Variants in SFSWAP observed in about 807,000 individuals in gnomAD.
The protein encoded by SFSWAP is splicing factor, suppressor of white-apricot homolog.
SFSWAP carries 17 observed loss-of-function variants against 100.7 expected under a neutral mutation model. That is an observed-to-expected ratio of 0.17 (90% CI 0.12 to 0.25). SFSWAP has a LOEUF of 0.25. Ranked by LOEUF, SFSWAP falls within the 10% of genes least tolerant of loss-of-function variation. The pLI is 1.00. For missense variants in SFSWAP, 1,005 were observed against 1,262.6 expected, an observed-to-expected ratio of 0.80 and a Z score of 3.09; for synonymous variants, 504 against 510.1, an observed-to-expected ratio of 0.99 and a Z score of 0.16.
Position 131,753,302 on chromosome 12 carries a change from C to G in SFSWAP, c.1261C>G (p.Leu421Val). 1 of 1,611,034 alleles carries G rather than the reference C, an allele frequency of 6.2e-7. No homozygotes were observed. Among genetic ancestry groups the G allele is most frequent in the Non-Finnish European group, 8.5e-7 (1 of 1,177,264 alleles). The change falls in exon 8 of 18, where the codon CTA (leucine) becomes GTA (valine). Residue 421 changes from leucine to valine, a missense_variant. Transcript: ENST00000261674. ...CCCACCACCTCCTGGGACCACACCA[C>G]TACCGCCCCCAACCACAGCAGAGAC... ...TAPPPPGTTP[L>V]PPPTTAETSS...
At position 131,739,277 on chromosome 12, in the gene SFSWAP, T is replaced by G. The variant is rs563456419; in HGVS notation, c.1081+10849T>G. On this transcript the variant is annotated intron_variant, in intron 7 of 17. Coordinates refer to ENST00000261674, the MANE Select transcript of SFSWAP (RefSeq NM_004592.4). Reference sequence around the variant, plus strand: ...TAGGTCAAAGAGTATGTGCATTTGTTTAAAGTATTACCAGTGACTGAGCAG... The same window carrying G: ...TAGGTCAAAGAGTATGTGCATTTGTGTAAAGTATTACCAGTGACTGAGCAG... Among the ~76,000 whole-genome samples, 29 of 152,316 alleles carry G rather than the reference T, an allele frequency of 1.9e-4. No individual in the cohort carries two copies. In the South Asian group the frequency reaches 3.9e-3, roughly 21 times the overall value.
At chr12:131,729,798 T>C (rs546273542) in intron 7 of SFSWAP, among the ~76,000 whole-genome samples, 1 of 152,324 alleles carries the variant, frequency 6.6e-6, no homozygotes, top group Non-Finnish European at 1.5e-5. Flanking sequence ...TTGTAAAGCT[T>C]ATCTCCTTCA....
At chr12:131,742,580 G>C (rs1320854823) in intron 7 of SFSWAP, among the ~76,000 whole-genome samples, 1 of 151,034 alleles carries the variant, frequency 6.6e-6, no homozygotes, top group Non-Finnish European at 1.5e-5. Flanking sequence ...AATCATTCAG[G>C]TTTCCCTAAT....
chr12:131,744,629 C>T (rs1373018351), intron 7 of SFSWAP, among the ~76,000 whole-genome samples: 1 of 152,220 alleles, frequency 6.6e-6, no homozygotes, highest in Non-Finnish European at 1.5e-5. Flanking sequence ...GCCCTCCAAA[C>T]TGTTCTAACC....
intron 13 of SFSWAP, among the ~76,000 whole-genome samples, chr12:131,774,401 G>A (rs1014405762): frequency 3.9e-5 from 6 of 152,152 alleles, no homozygotes; most frequent in Non-Finnish European, 5.9e-5. Context: ...ATACTTCATC[G>A]TGACACAGGG....
intron 7 of SFSWAP, among the ~76,000 whole-genome samples, chr12:131,738,348 A>C (rs971314524): frequency 1.3e-5 from 2 of 152,372 alleles, no homozygotes; most frequent in South Asian, 4.1e-4. Context: ...AGTGAACATC[A>C]TTAGCAAAGT....
intron 9 of SFSWAP, among the ~76,000 whole-genome samples, chr12:131,755,141 C>G (rs1205176126): frequency 6.6e-6 from 1 of 152,116 alleles, no homozygotes; most frequent in African/African-American, 2.4e-5. Context: ...CAAGCAATGT[C>G]CCACGCCTCA....
At chr12:131,740,135 G>C (rs527810810) in intron 7 of SFSWAP, among the ~76,000 whole-genome samples, 1 of 152,176 alleles carries the variant, frequency 6.6e-6, no homozygotes, top group Non-Finnish European at 1.5e-5. Context: ...AGGGTGGCCC[G>C]GGGTAGCTGG....
At chr12:131,785,235 AACTG>A (rs76312652) in intron 14 of SFSWAP, 105,708 of 1,534,062 alleles carry the variant, frequency 0.069, 3,879 homozygotes, top group Middle Eastern at 0.093. Flanking sequence ...CAAGGTGTCT[AACTG>A]ACCTCGCCTT....
At chr12:131,721,142 C>T (rs931087266) in intron 4 of SFSWAP, among the ~76,000 whole-genome samples, 3 of 152,118 alleles carry the variant, frequency 2.0e-5, no homozygotes, top group East Asian at 1.9e-4. Context: ...CTGTCTATCA[C>T]GGGAGCAGCA....
At chr12:131,729,905 G>A (rs1434616249) in intron 7 of SFSWAP, among the ~76,000 whole-genome samples, 4 of 152,184 alleles carry the variant, frequency 2.6e-5, no homozygotes, top group Admixed American at 6.5e-5. Flanking sequence ...TTCCCTTTTA[G>A]CACTGGCACA....
intron 14 of SFSWAP, chr12:131,783,792 T>TATATATATATATATATATATATATA (rs1884672091): frequency 2.3e-5 from 2 of 86,684 alleles, no homozygotes; most frequent in Non-Finnish European, 2.4e-5. Context: ...AAAAAACATT[T>TATATATATATATATATATATATATA]TATATATATA....
intron 3 of SFSWAP, 121 bp from the exon 4 acceptor site, chr12:131,719,333 G>T: frequency 1.4e-6 from 1 of 709,584 alleles, no homozygotes. Flanking sequence ...GCTTCTAGGA[G>T]TAACAACAGA....
At chr12:131,747,858 C>G (rs542895667) in intron 7 of SFSWAP, among the ~76,000 whole-genome samples, 13 of 152,328 alleles carry the variant, frequency 8.5e-5, no homozygotes, top group African/African-American at 3.1e-4. Context: ...AGTTCAAGTT[C>G]AGCTCAGGGC....
chr12:131,754,640 T>TG, intron 9 of SFSWAP, 141 bp downstream of exon 9: 14 of 504,598 alleles, frequency 2.8e-5, no homozygotes, highest in South Asian at 8.2e-5. Flanking sequence ...TTTTTTTTTT[T>TG]TTTTTTTTTT....
intron 7 of SFSWAP, among the ~76,000 whole-genome samples, chr12:131,729,118 C>T (rs1339886878): frequency 6.6e-6 from 1 of 152,186 alleles, no homozygotes; most frequent in African/African-American, 2.4e-5. Context: ...CTCCGTTAAA[C>T]ACGTTGCTGC....
chr12:131,752,856 G>A (rs577984244), intron 7 of SFSWAP, among the ~76,000 whole-genome samples: 2 of 152,358 alleles, frequency 1.3e-5, no homozygotes, highest in African/African-American at 4.8e-5. Flanking sequence ...TGTCTAGAGA[G>A]TATTCATATC....
chr12:131,786,924 C>T (rs1884938261), intron 15 of SFSWAP, among the ~76,000 whole-genome samples: 1 of 152,176 alleles, frequency 6.6e-6, no homozygotes, highest in African/African-American at 2.4e-5. Flanking sequence ...AAGGCACAAA[C>T]AGAAGGAAAA....
chr12:131,747,050 G>A (rs1437753816), intron 7 of SFSWAP, among the ~76,000 whole-genome samples: 1 of 148,074 alleles, frequency 6.8e-6, no homozygotes, highest in African/African-American at 2.5e-5. Flanking sequence ...CTTGCAGTGA[G>A]CCGAGATCGC....
Sources: allele counts gnomAD v4.1 joint callset (sites outside exome capture counted in the v4.1 genomes callset), GRCh38; gene constraint gnomAD v4.1.1; transcripts MANE v1.5; gene names NCBI Gene and HGNC (gene_info 2026-07-23, HGNC 2026-07-21).